RNF2: variants seen among roughly 807,000 people sequenced by gnomAD.
The protein encoded by RNF2 is E3 ubiquitin-protein ligase RING2.
In RNF2, 6 loss-of-function variants were observed where a neutral mutation model predicts 37.2. That is an observed-to-expected ratio of 0.16 (90% confidence interval 0.09 to 0.32). The LOEUF (loss-of-function observed/expected upper bound fraction) is 0.32, where lower values mean the gene tolerates loss of function less well. Among genes scored for constraint, RNF2 ranks in the 10% least tolerant of loss-of-function variants. RNF2 has a pLI of 1.00. For synonymous variants in RNF2, 133 were observed against 132.7 expected (o/e 1.00, Z -0.02); for missense variants, 251 against 404.0 (o/e 0.62, Z 3.25).
chr1:185,093,731 G>A (rs753166572), intron 4 of RNF2, among the ~76,000 whole-genome samples: 1 of 152,102 alleles, frequency 6.6e-6, no homozygotes. Context: ...TTCTTCACCT[G>A]GCTTTCAGGA....
intron 1 of RNF2, among the ~76,000 whole-genome samples, chr1:185,049,641 T>G (rs1187568365): frequency 6.0e-5 from 9 of 150,756 alleles, no homozygotes; most frequent in Admixed American, 5.9e-4. Flanking sequence ...ACAGAAAGGA[T>G]TTAATATAGG....
rs964873418 is a variant in RNF2 at position 185,085,546 on chromosome 1, TTTTTAACAAC to T, written c.-2-2002_-2-1993del. ...GTTCACATAGTTAATATCATACAGG[TTTTTAACAAC>T]TTTCTCTCACTGATTTTATTGTTAG... On this transcript the variant is annotated intron_variant, in intron 1 of 6. Coordinates refer to ENST00000367510, the MANE Select transcript of RNF2 (RefSeq NM_007212.4). Among the ~76,000 whole-genome samples, 340 of 152,258 alleles carry T rather than the reference TTTTTAACAAC, an allele frequency of 2.2e-3. 3 individuals carry two copies. Among genetic ancestry groups the T allele is most frequent in the African/African-American group, 7.8e-3 (324 of 41,540 alleles).
chr1:185,081,611 A>G (rs1288222050), intron 1 of RNF2, among the ~76,000 whole-genome samples: 5 of 150,772 alleles, frequency 3.3e-5, no homozygotes, highest in African/African-American at 1.2e-4. Flanking sequence ...CGGTTTCACC[A>G]TGTTGGCCAG....
chr1:185,072,939 CA>C (rs1369410433), intron 1 of RNF2, among the ~76,000 whole-genome samples: 3 of 151,496 alleles, frequency 2.0e-5, no homozygotes, highest in African/African-American at 4.9e-5. Flanking sequence ...GACTCTGTCT[CA>C]AAAAAACAAA....
At chr1:185,083,939 T>TAAAAA (rs750661158) in intron 1 of RNF2, among the ~76,000 whole-genome samples, 27 of 126,110 alleles carry the variant, frequency 2.1e-4, no homozygotes, top group South Asian at 5.1e-4. Flanking sequence ...GTCTTTTCCT[T>TAAAAA]AAAAAAAAAA....
At chr1:185,070,764 G>C (rs908692393) in intron 1 of RNF2, among the ~76,000 whole-genome samples, 4 of 150,630 alleles carry the variant, frequency 2.7e-5, no homozygotes, top group Non-Finnish European at 4.4e-5. Flanking sequence ...TCAGCCTCCC[G>C]AGTAGCTGGG....
Position 185,062,502 on chromosome 1 carries a change from A to G in RNF2, c.-3+16853A>G, listed in dbSNP as rs183593939. Among the ~76,000 whole-genome samples the G allele has an allele frequency of 3.9e-5, 6 of 152,314 alleles. No individual in the cohort carries two copies. The East Asian group carries it at 1.2e-3, about 29-fold the overall frequency. Reference sequence around the variant, plus strand: ...AATGATGTTGGGAAACTTGCCCATTACATGGAATGGAGTAGCTAGAACCTA... The same window carrying G: ...AATGATGTTGGGAAACTTGCCCATTGCATGGAATGGAGTAGCTAGAACCTA... On this transcript the variant is annotated intron_variant, in intron 1 of 6. Transcript: ENST00000367510.
chr1:185,091,007 T>A (rs959718836), intron 2 of RNF2, among the ~76,000 whole-genome samples: 4 of 152,222 alleles, frequency 2.6e-5, no homozygotes, highest in Non-Finnish European at 4.4e-5. Flanking sequence ...AAAATTGCTC[T>A]GTGGAAAAGA....
rs11334881 is a variant in RNF2, at chr1:185,081,395, A to AT, written c.-2-6142dup. Among the ~76,000 whole-genome samples, 694 of 145,228 alleles carry AT rather than the reference A, an allele frequency of 4.8e-3. 8 individuals carry two copies. Among genetic ancestry groups the AT allele is most frequent in the African/African-American group, 0.015 (589 of 39,258 alleles). Reference sequence around the variant, plus strand: ...GCAAAACTGTAGCCTAATTCCATCAATTTTTTTTTTTTTTTGAGGTGGAGT... The same window carrying AT: ...GCAAAACTGTAGCCTAATTCCATCAATTTTTTTTTTTTTTTTGAGGTGGAGT... On this transcript the variant is annotated intron_variant, in intron 1 of 6. Transcript: ENST00000367510.
In RNF2 at chr1:185,101,012, G is replaced by A. The variant is rs1336895498; in HGVS notation, c.*711G>A. On this transcript the variant is annotated 3_prime_UTR_variant, in exon 7 of 7. Coordinates refer to ENST00000367510, the MANE Select transcript of RNF2 (RefSeq NM_007212.4). ...ACTTGGTTCATTGACATATTCTGCT[G>A]AAGAAAGAAAAATTAAATTGGTAGT... 6.6e-6 allele frequency: 1 copy of A among 152,174 alleles called. No homozygotes were observed. 9.4% of individuals were successfully genotyped at this position (152,174 alleles called of 1,614,324 possible).
At chr1:185,075,786 C>G (rs1487635023) in intron 1 of RNF2, among the ~76,000 whole-genome samples, 3 of 152,236 alleles carry the variant, frequency 2.0e-5, no homozygotes, top group Non-Finnish European at 4.4e-5. Flanking sequence ...CACCAGGCCC[C>G]TCCTCCAACA....
chr1:185,100,164 C>T, intron 6 of RNF2, 36 bp from the exon 7 acceptor site: 2 of 1,467,182 alleles, frequency 1.4e-6, no homozygotes, highest in Non-Finnish European at 1.9e-6. Context: ...GTGGTTTGTG[C>T]AGTTTTCATA....
chr1:185,058,797 C>G (rs758995490), intron 1 of RNF2, among the ~76,000 whole-genome samples: 43 of 152,156 alleles, frequency 2.8e-4, no homozygotes, highest in Non-Finnish European at 5.6e-4. Flanking sequence ...GTTTGGAGCT[C>G]TTTGCAATAT....
intron 1 of RNF2, among the ~76,000 whole-genome samples, chr1:185,078,091 A>G (rs1291229538): frequency 1.3e-5 from 2 of 152,184 alleles, no homozygotes. Flanking sequence ...TACTAAAAAT[A>G]CAGAAATTAG....
intron 1 of RNF2, among the ~76,000 whole-genome samples, chr1:185,083,169 ATATCT>A (rs1651480209): frequency 6.6e-6 from 1 of 152,138 alleles, no homozygotes; most frequent in Non-Finnish European, 1.5e-5. Flanking sequence ...TTATCTACTA[ATATCT>A]TACGAGTAGG....
intron 1 of RNF2, among the ~76,000 whole-genome samples, chr1:185,077,905 A>G (rs1245137033): frequency 6.6e-6 from 1 of 152,112 alleles, no homozygotes; most frequent in Non-Finnish European, 1.5e-5. Flanking sequence ...CACTACATAT[A>G]CCATACATTG....
chr1:185,077,908 A>G (rs1275747329), intron 1 of RNF2, among the ~76,000 whole-genome samples: 1 of 152,070 alleles, frequency 6.6e-6, no homozygotes, highest in Non-Finnish European at 1.5e-5. Flanking sequence ...TACATATACC[A>G]TACATTGTGA....
Position 185,071,529 on chromosome 1 carries a change from G to A in RNF2, c.-2-16023G>A, listed in dbSNP as rs143463413. On this transcript the variant is annotated intron_variant, in intron 1 of 6. Transcript: ENST00000367510. ...CTTAACTTCCCCTTTGGCATCGTGC[G>A]TTTAGAGTCCCGAGATTCTATTTTC... 1.8e-3 allele frequency: 280 copies of A among 152,438 alleles called. 3 individuals are homozygous for A. In the South Asian group the frequency reaches 0.028, roughly 15 times the overall value. The allele number at this position is 152,438 out of a possible 1,614,324, so 9.4% of individuals were successfully genotyped here.
chr1:185,089,508 AT>A (rs910192987), intron 2 of RNF2, among the ~76,000 whole-genome samples: 2 of 152,110 alleles, frequency 1.3e-5, no homozygotes, highest in African/African-American at 4.8e-5. Flanking sequence ...ACCTGAGTAG[AT>A]TGTACAAGTT....
Sources: allele counts gnomAD v4.1 joint callset (sites outside exome capture counted in the v4.1 genomes callset), GRCh38; gene constraint gnomAD v4.1.1; transcripts MANE v1.5; gene names NCBI Gene and HGNC (gene_info 2026-07-23, HGNC 2026-07-21).